The following PSMA1 variants were observed in gnomAD, a reference collection of about 807,000 sequenced individuals.
PSMA1 encodes proteasome 20S subunit alpha 1.
Under a neutral mutation model 38.4 loss-of-function variants are expected in PSMA1, and 3 were observed. That is an observed-to-expected ratio of 0.08 (90% CI 0.04 to 0.20). PSMA1 has a LOEUF of 0.20. PSMA1 is among the 10% of genes least tolerant of loss of function. The probability of loss-of-function intolerance (pLI) is 1.00; values close to 1 mark genes in which losing one functional copy is unlikely to be tolerated. For missense variants in PSMA1, 227 were observed against 325.3 expected (o/e 0.70, Z 2.32); for synonymous variants, 101 against 107.1 (o/e 0.94, Z 0.35).
At position 14,519,037 on chromosome 11, in the gene PSMA1, C is replaced by T. The variant is rs1427658301; in HGVS notation, c.8G>A (p.Arg3Gln). The T allele has an allele frequency of 3.2e-6, 5 of 1,585,194 alleles. No homozygotes were observed. The highest frequency in any genetic ancestry group is 4.3e-6 in the Non-Finnish European group (5 of 1,161,286). Residue 3 changes from arginine (R) to glutamine (Q), a missense_variant, in exon 2 of 10, where the codon CGA becomes CAA. By Grantham distance (43) the Arg-to-Gln change is conservative. Transcript: ENST00000396394. MF[R>Q]NQYDNDVTVW... The stretch of plus-strand genomic sequence containing the variant: ...AGTGACATCATTGTCATACTGATTT[C>T]GAAACTAAAAGTAAAAGAAAAAAAT...
chr11:14,635,875 ACT>A (rs1412390630), intron 1 of PSMA1, among the ~76,000 whole-genome samples: 1 of 151,948 alleles, frequency 6.6e-6, no homozygotes, highest in African/African-American at 2.4e-5. Flanking sequence ...CATATTTTTT[ACT>A]CTCTTATTTG....
intron 1 of PSMA1, among the ~76,000 whole-genome samples, chr11:14,629,500 G>A (rs1185551230): frequency 6.6e-6 from 1 of 151,146 alleles, no homozygotes; most frequent in Non-Finnish European, 1.5e-5. Context: ...TTATTTCTGA[G>A]GGCTCTGTTC....
At chr11:14,529,089 TATGATCAGCC>T (rs1326693537) in intron 2 of PSMA1, among the ~76,000 whole-genome samples, 1 of 140,740 alleles carries the variant, frequency 7.1e-6, no homozygotes, top group Non-Finnish European at 1.5e-5. Context: ...TGCAATGAAC[TATGATCAGCC>T]TGGGTGACAA....
intron 2 of PSMA1, among the ~76,000 whole-genome samples, chr11:14,582,284 A>C (rs1565050156): frequency 6.6e-6 from 1 of 152,186 alleles, no homozygotes; most frequent in Non-Finnish European, 1.5e-5. Flanking sequence ...ATCGATTTAG[A>C]CAATTTACCA....
intron 1 of PSMA1, 58 bp from the exon 2 acceptor site, chr11:14,519,099 T>G: frequency 7.6e-7 from 1 of 1,319,132 alleles, no homozygotes; most frequent in Admixed American, 1.8e-5. Flanking sequence ...TCCCAACTCT[T>G]AACATTCATT....
intron 2 of PSMA1, among the ~76,000 whole-genome samples, chr11:14,535,344 T>C (rs1320285267): frequency 1.3e-5 from 2 of 151,836 alleles, no homozygotes; most frequent in African/African-American, 4.8e-5. Flanking sequence ...TTTAGAAATA[T>C]TTTTTTCCAG....
At chr11:14,525,016 G>A (rs568399327), upstream of PSMA1, among the ~76,000 whole-genome samples, 13 of 152,138 alleles carry the variant, frequency 8.5e-5, no homozygotes, top group East Asian at 1.2e-3. Flanking sequence ...GGGTAAGTCC[G>A]TCTCCTTCTT....
intron 2 of PSMA1, among the ~76,000 whole-genome samples, chr11:14,529,790 A>G (rs947819694): frequency 1.3e-5 from 2 of 152,210 alleles, no homozygotes; most frequent in African/African-American, 4.8e-5. Context: ...GCTAGCATGT[A>G]TAGCTACACT....
At chr11:14,507,824 C>A in intron 8 of PSMA1, 58 bp from the exon 9 acceptor site, 2 of 1,122,964 alleles carry the variant, frequency 1.8e-6, no homozygotes, top group Non-Finnish European at 2.6e-6. Flanking sequence ...AAAATACATA[C>A]GATAAAATAT....
chr11:14,584,500 G>GTTT (rs765040764), intron 2 of PSMA1, among the ~76,000 whole-genome samples: 12 of 133,666 alleles, frequency 9.0e-5, no homozygotes, highest in South Asian at 2.4e-4. Context: ...TGTTTTTTTT[G>GTTT]TTTTTTGTTT....
At chr11:14,579,625 A>T (rs937804301) in intron 2 of PSMA1, among the ~76,000 whole-genome samples, 2 of 151,542 alleles carry the variant, frequency 1.3e-5, no homozygotes, top group Non-Finnish European at 2.9e-5. Context: ...CAGATTTTGT[A>T]GTATTTTAAT....
chr11:14,590,106 G>A (rs1385805195), intron 2 of PSMA1, among the ~76,000 whole-genome samples: 1 of 152,192 alleles, frequency 6.6e-6, no homozygotes, highest in South Asian at 2.1e-4. Context: ...AAGGATACAT[G>A]CTGTATGATT....
intron 2 of PSMA1, among the ~76,000 whole-genome samples, chr11:14,569,562 T>A (rs1468526581): frequency 6.6e-6 from 1 of 152,166 alleles, no homozygotes; most frequent in East Asian, 1.9e-4. Context: ...AGAGATTATA[T>A]CCCACGCCTG....
chr11:14,526,247 C>G (rs1439861570), intron 2 of PSMA1, among the ~76,000 whole-genome samples: 1 of 152,128 alleles, frequency 6.6e-6, no homozygotes, highest in African/African-American at 2.4e-5. Flanking sequence ...CCTAGCTGAT[C>G]CCATAGATCC....
In PSMA1 at chr11:14,595,739, G is replaced by T. The variant is rs147207063; in HGVS notation, c.21+15227C>A. Among the ~76,000 whole-genome samples, 693 of 152,232 alleles carry T rather than the reference G, an allele frequency of 4.6e-3. 2 individuals are homozygous for T. Among genetic ancestry groups the T allele is most frequent in the South Asian group, 0.017 (84 of 4,818 alleles). ...TTTCTTTTGCTGTGCAGAAGCTCTT[G>T]AGTTTAATTAGATCTCATTTGTCAA... On this transcript the variant is annotated intron_variant, in intron 2 of 10. Transcript: ENST00000418988.
intron 2 of PSMA1, among the ~76,000 whole-genome samples, chr11:14,597,468 C>T (rs1340534197): frequency 2.0e-5 from 3 of 152,130 alleles, no homozygotes; most frequent in Non-Finnish European, 2.9e-5. Context: ...CTGGTTTAGT[C>T]TTGGGAGGGT....
intron 1 of PSMA1, among the ~76,000 whole-genome samples, chr11:14,619,455 A>C (rs1351906902): frequency 1.3e-5 from 2 of 152,136 alleles, no homozygotes; most frequent in African/African-American, 4.8e-5. Context: ...AAAATCTGTA[A>C]TATAGATTTA....
intron 1 of PSMA1, among the ~76,000 whole-genome samples, chr11:14,642,259 C>T (rs942562276): frequency 6.6e-6 from 1 of 152,176 alleles, no homozygotes; most frequent in Non-Finnish European, 1.5e-5. Flanking sequence ...CCATTTTTTA[C>T]TTTAATCTTC....
chr11:14,599,441 T>C (rs1852549738), intron 2 of PSMA1, among the ~76,000 whole-genome samples: 1 of 152,232 alleles, frequency 6.6e-6, no homozygotes, highest in Non-Finnish European at 1.5e-5. Flanking sequence ...TCATTTCTTT[T>C]TACTCTTTTT....
Sources: allele counts gnomAD v4.1 joint callset (sites outside exome capture counted in the v4.1 genomes callset), GRCh38; gene constraint gnomAD v4.1.1; transcripts MANE v1.5; gene names NCBI Gene and HGNC (gene_info 2026-07-23, HGNC 2026-07-21).